The following ZBTB8A variants were observed in gnomAD, a reference collection of about 807,000 sequenced individuals.
ZBTB8A encodes zinc finger and BTB domain-containing protein 8A.
A neutral mutation model predicts 37.8 loss-of-function variants in ZBTB8A; 19 were observed. The ratio of observed to expected loss-of-function variants is 0.50; its 90% CI spans 0.35 to 0.74. ZBTB8A has a LOEUF of 0.74. Among genes scored for constraint, ZBTB8A ranks in the 30% least tolerant of loss-of-function variants. ZBTB8A has a pLI of 0.01. For synonymous variants in ZBTB8A, 181 were observed against 185.2 expected, an observed-to-expected ratio of 0.98 and a Z score of 0.19; for missense variants, 394 against 537.8, an observed-to-expected ratio of 0.73 and a Z score of 2.65.
At chr1:32,558,473 A>G (rs1015480313) in intron 2 of ZBTB8A, among the ~76,000 whole-genome samples, 6 of 151,744 alleles carry the variant, frequency 4.0e-5, no homozygotes, top group South Asian at 2.1e-4. Context: ...ACACACACAC[A>G]CAAATGGAAG....
chr1:32,595,772 C>T (rs1213576304), intron 4 of ZBTB8A, among the ~76,000 whole-genome samples: 1 of 151,984 alleles, frequency 6.6e-6, no homozygotes, highest in Non-Finnish European at 1.5e-5. Context: ...GCCTCAGCCT[C>T]CTGAGTAGCT....
intron 2 of ZBTB8A, among the ~76,000 whole-genome samples, chr1:32,557,567 A>T (rs1644212593): frequency 6.6e-6 from 1 of 152,014 alleles, no homozygotes; most frequent in Non-Finnish European, 1.5e-5. Context: ...GGCTCAAGTG[A>T]TCCTCCCACC....
intron 4 of ZBTB8A, 58 bp downstream of exon 4, chr1:32,595,281 T>A: frequency 6.4e-7 from 1 of 1,570,124 alleles, no homozygotes; most frequent in South Asian, 1.1e-5. Flanking sequence ...TGTTTTTGTT[T>A]TTTTGAGATG....
In ZBTB8A at chr1:32,604,137, T is replaced by C. The variant is rs1283605655; in HGVS notation, c.*3718T>C. On this transcript the variant is annotated 3_prime_UTR_variant, in exon 5 of 5. Coordinates refer to ENST00000373510, the MANE Select transcript of ZBTB8A (RefSeq NM_001040441.3). ...GGAATGCCATTTATCAGCTTCTGAA[T>C]GCCCTTCTAACTCCATTACCCTCAA... 1 of 152,186 alleles carries C rather than the reference T, an allele frequency of 6.6e-6. No homozygotes were observed. The highest frequency in any genetic ancestry group is 2.4e-5 in the African/African-American group (1 of 41,438). 9.4% of individuals were successfully genotyped at this position (152,186 alleles called of 1,614,324 possible).
At chr1:32,557,500 G>T (rs921118885) in intron 2 of ZBTB8A, among the ~76,000 whole-genome samples, 4 of 152,044 alleles carry the variant, frequency 2.6e-5, no homozygotes, top group Admixed American at 6.6e-5. Context: ...TGTCCCTGAG[G>T]CTAAAGGGCT....
chr1:32,580,519 C>T (rs1160199983), intron 2 of ZBTB8A, among the ~76,000 whole-genome samples: 1 of 151,526 alleles, frequency 6.6e-6, no homozygotes, highest in East Asian at 1.9e-4. Flanking sequence ...CAACTGTACT[C>T]CAGGCTGGGC....
intron 2 of ZBTB8A, among the ~76,000 whole-genome samples, 185 bp downstream of exon 2, chr1:32,553,725 GA>G (rs1379173276): frequency 1.3e-5 from 2 of 150,294 alleles, no homozygotes; most frequent in Non-Finnish European, 3.0e-5. Flanking sequence ...TGTCTCTACT[GA>G]AAATACAAAA....
intron 2 of ZBTB8A, among the ~76,000 whole-genome samples, chr1:32,565,921 G>T (rs1644274728): frequency 6.6e-6 from 1 of 152,098 alleles, no homozygotes. Flanking sequence ...AATAATTCTG[G>T]CCGGGCACCG....
chr1:32,559,526 T>C (rs2148223535), intron 2 of ZBTB8A, among the ~76,000 whole-genome samples: 1 of 152,222 alleles, frequency 6.6e-6, no homozygotes, highest in South Asian at 2.1e-4. Context: ...TGCAGTGGCA[T>C]GATCACGGCT....
intron 2 of ZBTB8A, among the ~76,000 whole-genome samples, chr1:32,564,012 T>A (rs1162180941): frequency 6.6e-6 from 1 of 152,176 alleles, no homozygotes; most frequent in Non-Finnish European, 1.5e-5. Context: ...AGCAAGGTCA[T>A]TTTATCTCAG....
intron 2 of ZBTB8A, among the ~76,000 whole-genome samples, chr1:32,555,021 C>G (rs1644189696): frequency 6.6e-6 from 1 of 152,166 alleles, no homozygotes; most frequent in African/African-American, 2.4e-5. Flanking sequence ...AGAATTCTGA[C>G]CTCCCACAGC....
At chr1:32,564,740 T>TA (rs1206266914) in intron 2 of ZBTB8A, among the ~76,000 whole-genome samples, 1 of 152,092 alleles carries the variant, frequency 6.6e-6, no homozygotes, top group Non-Finnish European at 1.5e-5. Flanking sequence ...CCCAACAACT[T>TA]ATGCTGGCAT....
At chr1:32,541,232 A>G (rs1040297359) in intron 1 of ZBTB8A, among the ~76,000 whole-genome samples, 2 of 152,186 alleles carry the variant, frequency 1.3e-5, no homozygotes, top group African/African-American at 2.4e-5. Context: ...TTAAAAGCCA[A>G]AAGCTCCATA....
intron 2 of ZBTB8A, among the ~76,000 whole-genome samples, chr1:32,582,596 T>C (rs1399658154): frequency 6.6e-6 from 1 of 151,718 alleles, no homozygotes; most frequent in Non-Finnish European, 1.5e-5. Context: ...TGCAGTGAGA[T>C]CGTGCCATTG....
chr1:32,567,715 C>T (rs1006910168), intron 2 of ZBTB8A, among the ~76,000 whole-genome samples: 1 of 141,478 alleles, frequency 7.1e-6, no homozygotes, highest in African/African-American at 2.6e-5. Context: ...TGGCGTGAAC[C>T]CGGGAGGCGG....
At chr1:32,583,885 A>G (rs1240774051) in intron 2 of ZBTB8A, among the ~76,000 whole-genome samples, 2 of 152,160 alleles carry the variant, frequency 1.3e-5, no homozygotes, top group East Asian at 3.8e-4. Flanking sequence ...CTGGAATTAC[A>G]GAGGCCCGCC....
intron 2 of ZBTB8A, among the ~76,000 whole-genome samples, chr1:32,562,707 A>G (rs545253378): frequency 6.8e-6 from 1 of 146,964 alleles, no homozygotes; most frequent in East Asian, 2.1e-4. Context: ...TCAGCCTCCC[A>G]TGTAGCTGAG....
At chr1:32,599,823 G>C (rs1416414845) in intron 4 of ZBTB8A, among the ~76,000 whole-genome samples, 5 of 152,018 alleles carry the variant, frequency 3.3e-5, no homozygotes, top group Non-Finnish European at 5.9e-5. Context: ...GATACCAAAT[G>C]CTATTGGATT....
intron 1 of ZBTB8A, among the ~76,000 whole-genome samples, chr1:32,551,094 C>G (rs1396710346): frequency 6.6e-6 from 1 of 152,098 alleles, no homozygotes; most frequent in Admixed American, 6.6e-5. Flanking sequence ...GCCCTTCTAA[C>G]TCATTAGGGC....
Sources: gnomAD v4.1 joint callset for allele counts (sites outside exome capture counted in the v4.1 genomes callset) on GRCh38, gnomAD v4.1.1 for gene constraint, MANE v1.5 for transcripts, NCBI Gene and HGNC (gene_info 2026-07-23, HGNC 2026-07-21) for gene names.